The following SLC25A48 variants were observed in gnomAD, a reference collection of about 807,000 sequenced individuals.
SLC25A48 encodes the protein CTC-321K16.1.
SLC25A48 carries 29 observed loss-of-function variants against 32.2 expected under a neutral mutation model. The observed-to-expected ratio is 0.90, with a 90% CI of 0.67 to 1.23. The LOEUF is 1.23. Ranked by LOEUF, SLC25A48 falls within the 50% of genes most tolerant of loss-of-function variation. The pLI, the probability that SLC25A48 is intolerant of heterozygous loss-of-function variation, is 0.00. For synonymous variants in SLC25A48, 164 were observed against 172.3 expected (o/e 0.95, Z 0.38); for missense variants, 399 against 422.7 (o/e 0.94, Z 0.49).
At chr5:135,665,897 A>G (rs751736328) in intron 3 of SLC25A48, among the ~76,000 whole-genome samples, 7 of 152,050 alleles carry the variant, frequency 4.6e-5, no homozygotes, top group Non-Finnish European at 1.0e-4. Context: ...TGGCCTTCTC[A>G]TGGGACCTTT....
intron 5 of SLC25A48, among the ~76,000 whole-genome samples, chr5:135,873,180 G>A (rs578218559): frequency 1.4e-4 from 21 of 152,312 alleles, no homozygotes; most frequent in African/African-American, 4.1e-4. Context: ...GGGACCAGAG[G>A]CCAGGATAGG....
chr5:135,883,514 T>C (rs546380677), intron 7 of SLC25A48: 104 of 975,780 alleles, frequency 1.1e-4, no homozygotes, highest in Non-Finnish European at 1.2e-4. Context: ...CCACTGTCAT[T>C]CCTCTCTCTC....
chr5:135,725,956 A>G (rs1755079119), intron 3 of SLC25A48, among the ~76,000 whole-genome samples: 1 of 151,992 alleles, frequency 6.6e-6, no homozygotes, highest in South Asian at 2.1e-4. Flanking sequence ...TAAACACACC[A>G]TTAATGCCAG....
chr5:135,873,875 C>A, intron 5 of SLC25A48, 146 bp from the exon 6 acceptor site: 1 of 880,974 alleles, frequency 1.1e-6, no homozygotes, highest in Non-Finnish European at 1.6e-6. Context: ...GAGGGAGAAT[C>A]AGAAACAAAC....
At chr5:135,597,621 G>A (rs1281682142) in intron 1 of SLC25A48, among the ~76,000 whole-genome samples, 1 of 152,188 alleles carries the variant, frequency 6.6e-6, no homozygotes, top group East Asian at 1.9e-4. Flanking sequence ...AATCTGGTGT[G>A]AGTGCATCCA....
At chr5:135,699,498 C>T (rs991765399) in intron 3 of SLC25A48, among the ~76,000 whole-genome samples, 2 of 151,728 alleles carry the variant, frequency 1.3e-5, no homozygotes, top group African/African-American at 4.8e-5. Flanking sequence ...AACTTGTCTA[C>T]GATGATGGAA....
intron 3 of SLC25A48, among the ~76,000 whole-genome samples, chr5:135,721,615 G>A (rs1754957678): frequency 6.6e-6 from 1 of 152,182 alleles, no homozygotes; most frequent in Non-Finnish European, 1.5e-5. Context: ...AAAGCTACCA[G>A]CTGGATGGTG....
chr5:135,635,652 T>C (rs1400520348), intron 3 of SLC25A48, among the ~76,000 whole-genome samples: 2 of 152,204 alleles, frequency 1.3e-5, no homozygotes, highest in Non-Finnish European at 2.9e-5. Flanking sequence ...TAAAACAGTC[T>C]TGATTTGCGG....
At chr5:135,711,415 C>T (rs900493038) in intron 3 of SLC25A48, among the ~76,000 whole-genome samples, 1 of 152,142 alleles carries the variant, frequency 6.6e-6, no homozygotes, top group Non-Finnish European at 1.5e-5. Flanking sequence ...CCATTCGTAG[C>T]TTCAAATATG....
At chr5:135,783,769 C>T (rs1756774761) in intron 3 of SLC25A48, among the ~76,000 whole-genome samples, 1 of 118,938 alleles carries the variant, frequency 8.4e-6, no homozygotes, top group Non-Finnish European at 2.1e-5. Flanking sequence ...CTTTCAATAT[C>T]GCAGCTGGTG....
At chr5:135,736,108 G>A (rs1019268473) in intron 3 of SLC25A48, among the ~76,000 whole-genome samples, 4 of 152,202 alleles carry the variant, frequency 2.6e-5, no homozygotes, top group East Asian at 1.9e-4. Flanking sequence ...TGTAGAAAAG[G>A]AAGATTGGAA....
At chr5:135,722,832 G>A (rs1754988086) in intron 3 of SLC25A48, among the ~76,000 whole-genome samples, 1 of 152,250 alleles carries the variant, frequency 6.6e-6, no homozygotes, top group Non-Finnish European at 1.5e-5. Flanking sequence ...CTGGTGTCCG[G>A]TCAGGTTGAC....
chr5:135,785,312 G>A (rs944471444), intron 3 of SLC25A48, among the ~76,000 whole-genome samples: 4 of 151,814 alleles, frequency 2.6e-5, no homozygotes, highest in Middle Eastern at 3.4e-3. Context: ...TCCATGGGTC[G>A]TAATCTCCAG....
At chr5:135,872,780 T>A (rs993086589) in intron 5 of SLC25A48, 2 of 152,542 alleles carry the variant, frequency 1.3e-5, no homozygotes, top group Admixed American at 1.3e-4. Flanking sequence ...ATCCTCCTCC[T>A]CCTGCTCCTC....
chr5:135,708,058 T>C (rs1754562711), intron 3 of SLC25A48, among the ~76,000 whole-genome samples: 1 of 152,206 alleles, frequency 6.6e-6, no homozygotes, highest in Non-Finnish European at 1.5e-5. Flanking sequence ...GGGACATCAT[T>C]TCCCTGCTGG....
intron 3 of SLC25A48, among the ~76,000 whole-genome samples, chr5:135,713,743 A>G (rs912321982): frequency 6.6e-6 from 1 of 152,146 alleles, no homozygotes; most frequent in African/African-American, 2.4e-5. Context: ...AAATTCTACA[A>G]CGAGGTTTGA....
At chr5:135,767,529 T>C (rs1756273861) in intron 3 of SLC25A48, among the ~76,000 whole-genome samples, 1 of 151,932 alleles carries the variant, frequency 6.6e-6, no homozygotes, top group South Asian at 2.1e-4. Context: ...TTACTTTCAA[T>C]ATCGTAAACA....
intron 4 of SLC25A48, among the ~76,000 whole-genome samples, chr5:135,855,109 G>A (rs1337396277): frequency 1.3e-5 from 2 of 152,270 alleles, no homozygotes; most frequent in South Asian, 2.1e-4. Context: ...GACATTAGTA[G>A]CATCAAAGAT....
intron 7 of SLC25A48, among the ~76,000 whole-genome samples, chr5:135,887,038 A>G (rs758083209): frequency 6.6e-6 from 1 of 152,026 alleles, no homozygotes; most frequent in Non-Finnish European, 1.5e-5. Context: ...GAAAATTATT[A>G]AGGACCTCGA....
Sources: gnomAD v4.1 joint callset for allele counts (sites outside exome capture counted in the v4.1 genomes callset) on GRCh38, gnomAD v4.1.1 for gene constraint, MANE v1.5 for transcripts, NCBI Gene and HGNC (gene_info 2026-07-23, HGNC 2026-07-21) for gene names.